Variants in LRRC37A2 observed in about 807,000 individuals in gnomAD.
The protein encoded by LRRC37A2 is leucine-rich repeat-containing protein 37A2.
LRRC37A2 carries 9 observed loss-of-function variants against 68.8 expected under a neutral mutation model. The ratio of observed to expected loss-of-function variants is 0.13; its 90% CI spans 0.08 to 0.23. LRRC37A2 has a LOEUF of 0.23. LRRC37A2 is among the 10% of genes least tolerant of loss of function. LRRC37A2 has a pLI of 1.00. For synonymous variants in LRRC37A2, 63 were observed against 367.6 expected (o/e 0.17, Z 9.48); for missense variants, 168 against 950.4 (o/e 0.18, Z 10.82).
the LRRC37A2 span, among the ~76,000 whole-genome samples, chr17:46,405,029 C>A: frequency 1.2e-5 from 1 of 81,712 alleles, no homozygotes; most frequent in Non-Finnish European, 3.0e-5. Context: ...GTGATGAAAC[C>A]CCCGACTCTA....
the LRRC37A2 span, among the ~76,000 whole-genome samples, chr17:46,891,776 C>G: frequency 1.3e-5 from 2 of 152,178 alleles, no homozygotes; most frequent in Middle Eastern, 3.2e-3. Flanking sequence ...CAGAGGACTC[C>G]CCTCTGCAGG....
chr17:46,728,774 A>T, the LRRC37A2 span: 1 of 446,142 alleles, frequency 2.2e-6, no homozygotes, highest in Non-Finnish European at 3.3e-6. Flanking sequence ...CTTTTGATGC[A>T]AAAAAAAAAA....
the LRRC37A2 span, among the ~76,000 whole-genome samples, chr17:47,047,525 A>AT: frequency 6.7e-6 from 1 of 150,246 alleles, no homozygotes; most frequent in East Asian, 2.0e-4. Flanking sequence ...AGAGAATAAC[A>AT]TTAACATCCA....
chr17:46,783,243 G>A, the LRRC37A2 span, among the ~76,000 whole-genome samples: 8 of 152,216 alleles, frequency 5.3e-5, no homozygotes, highest in African/African-American at 7.2e-5. Context: ...GCAGCTGCCC[G>A]GGCTCTAAGC....
the LRRC37A2 span, among the ~76,000 whole-genome samples, chr17:46,779,103 A>ACACACACACACACACACCCCC: frequency 1.5e-5 from 2 of 133,590 alleles, no homozygotes; most frequent in Admixed American, 7.8e-5. Flanking sequence ...ACACACACAC[A>ACACACACACACACACACCCCC]CCCCAGCCCA....
chr17:46,946,090 C>A, the LRRC37A2 span, among the ~76,000 whole-genome samples: 369 of 152,074 alleles, frequency 2.4e-3, no homozygotes, highest in Non-Finnish European at 3.9e-3. Context: ...CTCCTTAGGC[C>A]ACCTGGGAAT....
At chr17:46,957,427 ACATGGTGAAACCCCAT>A in the LRRC37A2 span, among the ~76,000 whole-genome samples, 1 of 152,322 alleles carries the variant, frequency 6.6e-6, no homozygotes, top group South Asian at 2.1e-4. Context: ...AGCCTGGCCA[ACATGGTGAAACCCCAT>A]CTCTACTAAA....
chr17:46,820,441 G>A, the LRRC37A2 span, among the ~76,000 whole-genome samples: 1 of 151,914 alleles, frequency 6.6e-6, no homozygotes, highest in African/African-American at 2.4e-5. Flanking sequence ...GAAAACTGTC[G>A]GGGGGAGGCT....
At chr17:46,708,335 C>T in the LRRC37A2 span, among the ~76,000 whole-genome samples, 1 of 152,136 alleles carries the variant, frequency 6.6e-6, no homozygotes, top group East Asian at 1.9e-4. Context: ...TCTGACTTCT[C>T]CACATGCTCA....
At chr17:46,898,638 A>G in the LRRC37A2 span, among the ~76,000 whole-genome samples, 1 of 152,238 alleles carries the variant, frequency 6.6e-6, no homozygotes, top group Non-Finnish European at 1.5e-5. Context: ...CGACACCTGA[A>G]CAGAAAATGG....
chr17:46,738,122 C>G, the LRRC37A2 span, among the ~76,000 whole-genome samples: 1 of 151,884 alleles, frequency 6.6e-6, no homozygotes, highest in Non-Finnish European at 1.5e-5. Context: ...TTTGTATAGA[C>G]AGGGTTTTGC....
chr17:46,765,216 G>C, the LRRC37A2 span, among the ~76,000 whole-genome samples: 1 of 152,320 alleles, frequency 6.6e-6, no homozygotes, highest in East Asian at 1.9e-4. Flanking sequence ...ACTTTACAGA[G>C]GCAGAAACAG....
the LRRC37A2 span, among the ~76,000 whole-genome samples, chr17:46,966,060 C>G: frequency 6.6e-6 from 1 of 152,158 alleles, no homozygotes; most frequent in African/African-American, 2.4e-5. Flanking sequence ...ATCTACTAAT[C>G]TACTTATAAT....
chr17:46,816,825 C>T, the LRRC37A2 span, among the ~76,000 whole-genome samples: 1 of 152,190 alleles, frequency 6.6e-6, no homozygotes, highest in Non-Finnish European at 1.5e-5. Context: ...AGAGTCTCTG[C>T]GAAAGCAAGG....
At chr17:46,981,212 C>T in the LRRC37A2 span, among the ~76,000 whole-genome samples, 1 of 152,282 alleles carries the variant, frequency 6.6e-6, no homozygotes, top group East Asian at 1.9e-4. Flanking sequence ...CGGGATGCCC[C>T]AACACACAGG....
the LRRC37A2 span, among the ~76,000 whole-genome samples, chr17:46,803,602 G>A: frequency 6.6e-6 from 1 of 152,182 alleles, no homozygotes; most frequent in African/African-American, 2.4e-5. Flanking sequence ...CCACCTAGAG[G>A]GCTAGGTTAC....
chr17:46,875,393 T>A, the LRRC37A2 span: 3 of 1,564,510 alleles, frequency 1.9e-6, no homozygotes, highest in Non-Finnish European at 2.6e-6. Context: ...CTGCCCGCAG[T>A]GCCTTCCCAC....
the LRRC37A2 span, among the ~76,000 whole-genome samples, chr17:46,905,614 T>C: frequency 6.6e-6 from 1 of 152,186 alleles, no homozygotes; most frequent in East Asian, 1.9e-4. Context: ...CTACTAGGGA[T>C]TGACCCATGA....
chr17:46,847,910 C>G, the LRRC37A2 span, among the ~76,000 whole-genome samples: 17 of 151,960 alleles, frequency 1.1e-4, no homozygotes, highest in African/African-American at 4.1e-4. Flanking sequence ...CATCCTGGAG[C>G]TAGATTTGAT....
Sources: gnomAD v4.1 joint callset for allele counts (sites outside exome capture counted in the v4.1 genomes callset) on GRCh38, gnomAD v4.1.1 for gene constraint, MANE v1.5 for transcripts, NCBI Gene and HGNC (gene_info 2026-07-23, HGNC 2026-07-21) for gene names.